The following DHRS4L2 variants were observed in gnomAD, a reference collection of about 807,000 sequenced individuals.
DHRS4L2 encodes the protein dehydrogenase/reductase SDR family member 4-like 2.
A neutral mutation model predicts 23.9 loss-of-function variants in DHRS4L2; 22 were observed. The ratio of observed to expected loss-of-function variants is 0.92; its 90% confidence interval spans 0.66 to 1.31. The LOEUF (loss-of-function observed/expected upper bound fraction) is 1.31. DHRS4L2 is among the 40% of genes most tolerant of loss of function. The pLI is 0.00. For missense variants in DHRS4L2, 385 were observed against 303.3 expected (o/e 1.27, Z -2.00); for synonymous variants, 141 against 123.7 (o/e 1.14, Z -0.93).
chr14:23,987,080 CT>C (rs1175253527), upstream of DHRS4L2: 5 of 232,164 alleles, frequency 2.2e-5, no homozygotes, highest in Admixed American at 5.8e-5. Context: ...CAGTGCAGGC[CT>C]GTTCTATTAC....
Position 24,006,148 on chromosome 14 carries a change from G to A in DHRS4L2, c.*285G>A, listed in dbSNP as rs1034174139. On this transcript the variant is annotated 3_prime_UTR_variant, in exon 8 of 8. Transcript: ENST00000335125. The stretch of plus-strand genomic sequence containing the variant: ...CCTGTGAAAAGATCCAGCCTTCCCT[G>A]CCGTCAAGGTGGCGTCTTACTCGGG... 1.1e-5 allele frequency: 15 copies of A among 1,332,646 alleles called. No homozygotes were observed. In the Admixed American group the frequency reaches 4.5e-4, roughly 40 times the overall value. The allele number at this position is 1,332,646 out of a possible 1,614,324, so 82.6% of individuals were successfully genotyped here.
chr14:23,995,438 C>T (rs2034361699), intron 3 of DHRS4L2, among the ~76,000 whole-genome samples: 2 of 151,760 alleles, frequency 1.3e-5, no homozygotes, highest in South Asian at 4.2e-4. Flanking sequence ...GAGACGTAGG[C>T]AGCTAATATG....
At chr14:23,975,289 A>C (rs2138507951) in intron 1 of DHRS4L2, among the ~76,000 whole-genome samples, 1 of 151,716 alleles carries the variant, frequency 6.6e-6, no homozygotes, top group South Asian at 2.1e-4. Flanking sequence ...ATATGCAAAT[A>C]ATAGACAGAG....
At chr14:23,991,608 G>C (rs144885114) in intron 2 of DHRS4L2, among the ~76,000 whole-genome samples, 2,379 of 151,788 alleles carry the variant, frequency 0.016, 89 homozygotes, top group African/African-American at 0.055. Context: ...TCTGCAAAAT[G>C]AGCAGACAGC....
chr14:23,990,824 G>A (rs1464890932), intron 2 of DHRS4L2: 1 of 416,882 alleles, frequency 2.4e-6, no homozygotes, highest in African/African-American at 2.2e-5. Flanking sequence ...AGCAAGGCAA[G>A]GACTATTCTC....
At chr14:23,990,560 A>C (rs2034249251) in intron 2 of DHRS4L2, among the ~76,000 whole-genome samples, 1 of 151,276 alleles carries the variant, frequency 6.6e-6, no homozygotes. Flanking sequence ...TCATCCCTTG[A>C]GTACCCCAAA....
At position 23,989,017 on chromosome 14, in the gene DHRS4L2, A is replaced by G. The variant is rs1374435879; in HGVS notation, c.70A>G (p.Met24Val). Residue 24 changes from methionine (M) to valine (V), a missense_variant, in exon 1 of 8, where the codon ATG (methionine) becomes GTG (valine). Coordinates refer to ENST00000335125, the MANE Select transcript of DHRS4L2 (RefSeq NM_198083.4). The part of the protein sequence containing the change: ...RKSVRMASSR[M>V]TRRDPLTNKV... The stretch of plus-strand genomic sequence containing the variant: ...GTCGGTGCGGATGGCCAGCTCCAGG[A>G]TGACCCGCCGGGACCCGCTCACAAA... 1.9e-6 allele frequency: 3 copies of G among 1,608,328 alleles called. No homozygotes were observed. The highest frequency in any genetic ancestry group is 2.5e-6 in the Non-Finnish European group (3 of 1,177,476).
intron 1 of DHRS4L2, among the ~76,000 whole-genome samples, chr14:23,974,567 A>C (rs1256678901): frequency 1.3e-5 from 2 of 151,876 alleles, no homozygotes; most frequent in Admixed American, 1.3e-4. Context: ...TAAAGGGGAT[A>C]TCACCAGTGA....
chr14:23,974,563 G>T (rs1055912736), intron 1 of DHRS4L2, among the ~76,000 whole-genome samples: 7 of 151,682 alleles, frequency 4.6e-5, no homozygotes, highest in African/African-American at 1.2e-4. Flanking sequence ...ATCATAAAGG[G>T]GATATCACCA....
At chr14:23,992,091 A>G (rs1420340950) in intron 2 of DHRS4L2, among the ~76,000 whole-genome samples, 2 of 151,640 alleles carry the variant, frequency 1.3e-5, no homozygotes, top group Non-Finnish European at 2.9e-5. Flanking sequence ...TCTTAAAAGG[A>G]TATGTTTACA....
chr14:23,986,515 A>AG (rs1566491538), upstream of DHRS4L2, among the ~76,000 whole-genome samples: 12 of 150,314 alleles, frequency 8.0e-5, no homozygotes, highest in East Asian at 4.0e-4. Flanking sequence ...AATAAAAAAA[A>AG]AAAAAGAAAG....
At chr14:23,994,815 G>A (rs2034345252) in intron 2 of DHRS4L2, among the ~76,000 whole-genome samples, 2 of 151,868 alleles carry the variant, frequency 1.3e-5, no homozygotes, top group South Asian at 4.2e-4. Flanking sequence ...TGTCATTGTT[G>A]TTGTTGTTTT....
chr14:23,990,132 C>G, intron 1 of DHRS4L2, 50 bp from the exon 2 acceptor site: 1 of 1,601,708 alleles, frequency 6.2e-7, no homozygotes, highest in Non-Finnish European at 8.5e-7. Flanking sequence ...ATGCTGTCGA[C>G]CTCTTCCCCT....
intron 2 of DHRS4L2, chr14:23,990,694 T>C (rs2034251786): frequency 9.3e-7 from 1 of 1,070,484 alleles, no homozygotes; most frequent in African/African-American, 1.7e-5. Context: ...TTCTTCAGCT[T>C]ATAGAGTCAA....
rs1280453591 is a variant in DHRS4L2, at chr14:23,983,610, A to G, written c.-175-6572A>G. ...TGCTTATTGCAGCACTGTTCACAGT[A>G]GCAAAGACTTGGAACCAACCCAAAT... On this transcript the variant is annotated intron_variant, in intron 1 of 5. Coordinates refer to the DHRS4L2 transcript ENST00000534993. Among the ~76,000 whole-genome samples the G allele has an allele frequency of 4.6e-5, 7 of 151,848 alleles. No individual in the cohort carries two copies. The East Asian group carries it at 1.3e-3, about 29-fold the overall frequency.
chr14:23,974,720 A>T (rs888066098), intron 1 of DHRS4L2, among the ~76,000 whole-genome samples: 2 of 151,918 alleles, frequency 1.3e-5, no homozygotes, highest in Non-Finnish European at 2.9e-5. Flanking sequence ...ATTGCTGAAT[A>T]GACCAATAAC....
At position 23,970,948 on chromosome 14, in the gene DHRS4L2, A is replaced by G. The variant is rs2033844262; in HGVS notation, c.-176+616A>G. Among the ~76,000 whole-genome samples the G allele has an allele frequency of 2.0e-5, 3 of 152,120 alleles. 1 individual carries two copies. In the South Asian group the frequency reaches 6.2e-4, roughly 32 times the overall value. ...ATCAACATCAGCAAAGGACAGCATC[A>G]ACATCAGAATAGCAAAGGACATCCA... On this transcript the variant is annotated intron_variant, in intron 1 of 5. Coordinates refer to the DHRS4L2 transcript ENST00000534993.
chr14:24,002,129 C>T (rs1192745052), intron 6 of DHRS4L2, among the ~76,000 whole-genome samples: 1 of 101,380 alleles, frequency 9.9e-6, no homozygotes, highest in South Asian at 3.0e-4. Context: ...TATCCCTCCC[C>T]ACTCCCCCGA....
At chr14:23,977,867 C>T (rs2033996541) in intron 1 of DHRS4L2, among the ~76,000 whole-genome samples, 1 of 151,640 alleles carries the variant, frequency 6.6e-6, no homozygotes, top group Admixed American at 6.6e-5. Context: ...TTGTATCCTT[C>T]CCAAAAATAA....
Sources: allele counts gnomAD v4.1 joint callset (sites outside exome capture counted in the v4.1 genomes callset), GRCh38; gene constraint gnomAD v4.1.1; transcripts MANE v1.5; gene names NCBI Gene and HGNC (gene_info 2026-07-23, HGNC 2026-07-21).